The following MUC15 variants were observed in gnomAD, a reference collection of about 807,000 sequenced individuals.
MUC15 encodes mucin-15.
A neutral mutation model predicts 24.0 loss-of-function variants in MUC15; 23 were observed. The observed-to-expected ratio is 0.96, with a 90% CI of 0.69 to 1.36. MUC15 has a LOEUF of 1.36. Among genes scored for constraint, MUC15 ranks in the 40% most tolerant of loss-of-function variants. The pLI is 0.00. For synonymous variants in MUC15, 151 were observed against 156.3 expected (o/e 0.97, Z 0.25); for missense variants, 442 against 428.2 (o/e 1.03, Z -0.29).
intron 1 of MUC15, among the ~76,000 whole-genome samples, chr11:26,570,596 T>C (rs957344677): frequency 2.1e-4 from 32 of 152,100 alleles, no homozygotes; most frequent in African/African-American, 7.7e-4. Context: ...AGGCATAATA[T>C]AAAAACATGT....
Position 26,567,127 on chromosome 11 carries a change from C to A in MUC15, c.-33G>T. 4 of 1,434,646 alleles carry A rather than the reference C, an allele frequency of 2.8e-6. No homozygotes were observed. Among genetic ancestry groups the A allele is most frequent in the South Asian group, 1.6e-5 (1 of 61,380 alleles). 88.9% of individuals were successfully genotyped at this position (1,434,646 alleles called of 1,614,324 possible). A position where few individuals can be genotyped will look rare whatever the true frequency, so the allele number is the denominator to read the frequency against. On this transcript the variant is annotated 5_prime_UTR_variant, in exon 2 of 5. Transcript: ENST00000529533. ...ATGAAGAAACTGAAGCTCACAATGG[C>A]TAGTAACAGAAGCTGGAAAATGGAA...
intron 1 of MUC15, among the ~76,000 whole-genome samples, chr11:26,569,699 G>A (rs996356819): frequency 4.6e-5 from 7 of 152,076 alleles, no homozygotes; most frequent in Admixed American, 1.3e-4. Flanking sequence ...TTACTTTCGT[G>A]TGTGCTTTCC....
In MUC15 at chr11:26,565,071, T is replaced by A; in HGVS notation, c.775+94A>T. On this transcript the variant is annotated intron_variant, in intron 3 of 4. Coordinates refer to ENST00000529533, the MANE Select transcript of MUC15 (RefSeq NM_001135091.2). ...TCCATGCTATTGTGTTCTCTTCTGT[T>A]TTTCCAGCATGGTGATTCCTTAGAC... is the stretch of plus-strand genomic sequence containing the variant. 4 of 1,263,390 alleles carry A rather than the reference T, an allele frequency of 3.2e-6. No individual in the cohort carries two copies. In the South Asian group the frequency reaches 7.2e-5, roughly 23 times the overall value. The allele number at this position is 1,263,390 out of a possible 1,614,324, so 78.3% of individuals were successfully genotyped here.
chr11:26,559,480 A>T lies in MUC15; in HGVS notation c.*1585T>A, dbSNP rs559506083. Reference sequence around the variant, plus strand: ...TTATAATCAGAAATGATGGTGGGGTATAAAGGGAATCAAGAGAGGAGAGAA... The same window carrying T: ...TTATAATCAGAAATGATGGTGGGGTTTAAAGGGAATCAAGAGAGGAGAGAA... On this transcript the variant is annotated 3_prime_UTR_variant, in exon 5 of 5. Coordinates refer to ENST00000529533, the MANE Select transcript of MUC15 (RefSeq NM_001135091.2). 4 of 446,368 alleles carry T rather than the reference A, an allele frequency of 9.0e-6. No individual in the cohort carries two copies. The highest frequency in any genetic ancestry group is 7.9e-5 in the African/African-American group (4 of 50,838). 27.7% of individuals were successfully genotyped at this position (446,368 alleles called of 1,614,324 possible).
Position 26,559,928 on chromosome 11 carries a change from C to T in MUC15, c.*1137G>A, listed in dbSNP as rs913788059. 4 of 603,954 alleles carry T rather than the reference C, an allele frequency of 6.6e-6. No homozygotes were observed. The African/African-American group carries it at 7.3e-5, about 11-fold the overall frequency. The allele number at this position is 603,954 out of a possible 1,614,324, so 37.4% of individuals were successfully genotyped here. ...TAGGTTGGTACTTGATTTGTTTGCTCTCTTCATATATTCAGTGCTTCTTTA... is the reference window on the plus strand; with the variant it reads ...TAGGTTGGTACTTGATTTGTTTGCTTTCTTCATATATTCAGTGCTTCTTTA... On this transcript the variant is annotated 3_prime_UTR_variant, in exon 5 of 5. Transcript: ENST00000529533.
At chr11:26,566,744 T>A (rs1378678366) in intron 2 of MUC15, among the ~76,000 whole-genome samples, 3 of 151,922 alleles carry the variant, frequency 2.0e-5, no homozygotes, top group African/African-American at 7.2e-5. Context: ...GTGCCACAAT[T>A]CATAAATAGG....
chr11:26,567,155 G>A lies in MUC15; in HGVS notation c.-45-16C>T. The A allele has an allele frequency of 1.5e-6, 2 of 1,374,206 alleles. No individual in the cohort carries two copies. Among genetic ancestry groups the A allele is most frequent in the South Asian group, 3.9e-5 (2 of 51,006 alleles). 85.1% of individuals were successfully genotyped at this position (1,374,206 alleles called of 1,614,324 possible). A position where few individuals can be genotyped will look rare whatever the true frequency, so the allele number is the denominator to read the frequency against. On this transcript the variant is annotated splice_polypyrimidine_tract_variant and intron_variant, in intron 1 of 4. Coordinates refer to ENST00000529533, the MANE Select transcript of MUC15 (RefSeq NM_001135091.2). ...GTAACAGAAGCTGGAAAATGGAAGA[G>A]GCAATATTTAAAGCCAAGTCAACTG...
chr11:26,571,328 T>TA (rs1298321452), intron 1 of MUC15, among the ~76,000 whole-genome samples: 1 of 151,932 alleles, frequency 6.6e-6, no homozygotes, highest in African/African-American at 2.4e-5. Flanking sequence ...ATCCTTTTAA[T>TA]AAAAAAAGAG....
chr11:26,563,098 A>G lies in MUC15; in HGVS notation c.925+18T>C. 1 of 1,610,362 alleles carries G rather than the reference A, an allele frequency of 6.2e-7. No homozygotes were observed. Among genetic ancestry groups the G allele is most frequent in the Non-Finnish European group, 8.5e-7 (1 of 1,177,932 alleles). The stretch of plus-strand genomic sequence containing the variant: ...TAAAACCACTGTGCCCAGGTGAAGT[A>G]TTGAAAATAGATTTTACCTGGTTCA... On this transcript the variant is annotated intron_variant, in intron 4 of 4. Transcript: ENST00000529533.
intron 4 of MUC15, among the ~76,000 whole-genome samples, chr11:26,562,709 G>A (rs1472467214): frequency 6.6e-6 from 1 of 151,742 alleles, no homozygotes. Context: ...CTTTAAAAGA[G>A]CTCCAAATTA....
At position 26,559,987 on chromosome 11, in the gene MUC15, TA is replaced by T; in HGVS notation, c.*1077del. ...ACTCTTGATCTCATCCTCTAATCTC[TA>T]AAACCTAGACTTTCCTACATCAAGG... On this transcript the variant is annotated 3_prime_UTR_variant, in exon 5 of 5. Transcript: ENST00000529533. 1 of 424,618 alleles carries T rather than the reference TA, an allele frequency of 2.4e-6. No individual in the cohort carries two copies. Among genetic ancestry groups the T allele is most frequent in the South Asian group, 7.3e-5 (1 of 13,724 alleles). The allele number at this position is 424,618 out of a possible 1,614,324, so 26.3% of individuals were successfully genotyped here. A position where few individuals can be genotyped will look rare whatever the true frequency, so the allele number is the denominator to read the frequency against.
At chr11:26,565,981 A>T in intron 2 of MUC15, 85 bp from the exon 3 acceptor site, 1 of 1,267,246 alleles carries the variant, frequency 7.9e-7, no homozygotes, top group South Asian at 1.7e-5. Context: ...AAGTGATAAA[A>T]ATCTAGACAT....
chr11:26,568,102 T>C (rs1850668432), intron 1 of MUC15, among the ~76,000 whole-genome samples: 1 of 152,044 alleles, frequency 6.6e-6, no homozygotes, highest in East Asian at 1.9e-4. Flanking sequence ...CTTATTGATA[T>C]TTCATTCACT....
chr11:26,563,326 G>T, intron 3 of MUC15, 61 bp from the exon 4 acceptor site: 1 of 1,471,032 alleles, frequency 6.8e-7, no homozygotes, highest in East Asian at 2.5e-5. Flanking sequence ...CGAACTCTAT[G>T]CATGTGAACT....
In MUC15 at chr11:26,565,578, T is replaced by C; in HGVS notation, c.362A>G (p.Glu121Gly). 1 of 1,613,360 alleles carries C rather than the reference T, an allele frequency of 6.2e-7. No homozygotes were observed. The highest frequency in any genetic ancestry group is 2.2e-5 in the East Asian group (1 of 44,852). ...GGGTTTTAGACTGCCCAAAGAATGCTCTGCTGATGAGTTACTGGAGAAATC... is the reference window on the plus strand; with the variant it reads ...GGGTTTTAGACTGCCCAAAGAATGCCCTGCTGATGAGTTACTGGAGAAATC... ...ITDFSSNSSA[E>G]HSLGSLKPTS... is the part of the protein sequence containing the mutation. Residue 121 changes from glutamate (E) to glycine (G), a missense_variant, in exon 3 of 5, where the codon GAG (glutamate) becomes GGG (glycine). By Grantham distance (98) the Glu-to-Gly change is moderately conservative. Transcript: ENST00000529533.
intron 1 of MUC15, among the ~76,000 whole-genome samples, chr11:26,570,820 GT>G (rs1850794828): frequency 6.6e-6 from 1 of 151,994 alleles, no homozygotes; most frequent in Admixed American, 6.6e-5. Context: ...AGTATTTTTA[GT>G]TTCCTAAATT....
rs1850857706 is a variant in MUC15, at chr11:26,572,229, G to T, written c.-234C>A. 1.1e-5 allele frequency: 11 copies of T among 985,382 alleles called. No individual in the cohort carries two copies. The highest frequency in any genetic ancestry group is 1.3e-5 in the Non-Finnish European group (11 of 830,014). The allele number at this position is 985,382 out of a possible 1,614,324, so 61.0% of individuals were successfully genotyped here. A position where few individuals can be genotyped will look rare whatever the true frequency, so the allele number is the denominator to read the frequency against. ...CTTGCTTGTGTAACAGAGCGCCCAGGAACCTGACTGACCTGCTTCTCAGCT... is the reference window on the plus strand; with the variant it reads ...CTTGCTTGTGTAACAGAGCGCCCAGTAACCTGACTGACCTGCTTCTCAGCT... On this transcript the variant is annotated 5_prime_UTR_variant, in exon 1 of 5. Coordinates refer to ENST00000529533, the MANE Select transcript of MUC15 (RefSeq NM_001135091.2).
chr11:26,560,971 G>A lies in MUC15; in HGVS notation c.*94C>T. 1.6e-6 allele frequency: 2 copies of A among 1,235,334 alleles called. No individual in the cohort carries two copies. Among genetic ancestry groups the A allele is most frequent in the Non-Finnish European group, 2.3e-6 (2 of 878,104 alleles). The allele number at this position is 1,235,334 out of a possible 1,614,324, so 76.5% of individuals were successfully genotyped here. A position where few individuals can be genotyped will look rare whatever the true frequency, so the allele number is the denominator to read the frequency against. ...TGATTCTCCTTGACAAAATCCACGT[G>A]ACAGTAATTTTGTGTAACCTTTTGA... On this transcript the variant is annotated 3_prime_UTR_variant, in exon 5 of 5. Transcript: ENST00000529533.
At position 26,559,443 on chromosome 11, in the gene MUC15, T is replaced by C; in HGVS notation, c.*1622A>G. 3.4e-6 allele frequency: 1 copy of C among 295,630 alleles called. No individual in the cohort carries two copies. The highest frequency in any genetic ancestry group is 6.3e-6 in the Non-Finnish European group (1 of 159,586). The allele number at this position is 295,630 out of a possible 1,614,324, so 18.3% of individuals were successfully genotyped here. A position where few individuals can be genotyped will look rare whatever the true frequency, so the allele number is the denominator to read the frequency against. On this transcript the variant is annotated 3_prime_UTR_variant, in exon 5 of 5. Transcript: ENST00000529533. ...GTGACCCACAAATACTTCCATAGAA[T>C]GGTAGAATTATTTATAATCAGAAAT... is the stretch of plus-strand genomic sequence containing the variant.
Sources: gnomAD v4.1 joint callset for allele counts (sites outside exome capture counted in the v4.1 genomes callset) on GRCh38, gnomAD v4.1.1 for gene constraint, MANE v1.5 for transcripts, NCBI Gene and HGNC (gene_info 2026-07-23, HGNC 2026-07-21) for gene names.